Variants in RAP1GDS1 observed in about 807,000 individuals in gnomAD.
RAP1GDS1 encodes the protein RAP1, GTP-GDP dissociation stimulator 1.
A neutral mutation model predicts 71.1 loss-of-function variants in RAP1GDS1; 35 were observed. The observed-to-expected ratio is 0.49, with a 90% CI of 0.38 to 0.65. The LOEUF (loss-of-function observed/expected upper bound fraction) is 0.65. Ranked by LOEUF, RAP1GDS1 falls within the 30% of genes least tolerant of loss-of-function variation. RAP1GDS1 has a pLI of 0.00. For missense variants in RAP1GDS1, 663 were observed against 706.1 expected, an observed-to-expected ratio of 0.94 and a Z score of 0.69; for synonymous variants, 229 against 243.1, an observed-to-expected ratio of 0.94 and a Z score of 0.54.
chr4:98,431,516 A>G (rs1486711041), intron 12 of RAP1GDS1, among the ~76,000 whole-genome samples: 1 of 152,366 alleles, frequency 6.6e-6, no homozygotes, highest in African/African-American at 2.4e-5. Context: ...GAATAGAACT[A>G]TGAAATAAAA....
intron 2 of RAP1GDS1, among the ~76,000 whole-genome samples, chr4:98,341,795 G>C (rs1174939114): frequency 6.6e-6 from 1 of 152,050 alleles, no homozygotes; most frequent in African/African-American, 2.4e-5. Context: ...ATAAACTGGA[G>C]TGTTATCATT....
intron 2 of RAP1GDS1, among the ~76,000 whole-genome samples, chr4:98,308,665 A>G (rs1246565685): frequency 6.6e-6 from 1 of 152,090 alleles, no homozygotes; most frequent in African/African-American, 2.4e-5. Flanking sequence ...ACAAAGTTTT[A>G]TAATCTTTGA....
intron 1 of RAP1GDS1, among the ~76,000 whole-genome samples, chr4:98,262,863 T>C (rs1722227180): frequency 6.6e-6 from 1 of 152,206 alleles, no homozygotes; most frequent in South Asian, 2.1e-4. Flanking sequence ...CCTTTGGCCA[T>C]ATATCTGGAA....
chr4:98,440,921 G>A (rs1051808362), intron 14 of RAP1GDS1, among the ~76,000 whole-genome samples: 15 of 152,244 alleles, frequency 9.9e-5, no homozygotes, highest in South Asian at 2.1e-4. Context: ...TCAAACTCCC[G>A]ACCTCAGGTG....
intron 2 of RAP1GDS1, among the ~76,000 whole-genome samples, chr4:98,311,796 C>A (rs1256075117): frequency 6.6e-6 from 1 of 152,148 alleles, no homozygotes; most frequent in African/African-American, 2.4e-5. Context: ...TTCACCATGT[C>A]CAACTAATTT....
intron 14 of RAP1GDS1, among the ~76,000 whole-genome samples, chr4:98,437,507 T>C (rs1177919515): frequency 6.6e-6 from 1 of 152,110 alleles, no homozygotes; most frequent in Non-Finnish European, 1.5e-5. Context: ...GGAATTTGTT[T>C]AGGAGGCCAG....
intron 1 of RAP1GDS1, among the ~76,000 whole-genome samples, chr4:98,262,438 T>C (rs1386875262): frequency 6.6e-6 from 1 of 152,240 alleles, no homozygotes; most frequent in Non-Finnish European, 1.5e-5. Context: ...GCAAATATGT[T>C]TTATAAAACG....
intron 6 of RAP1GDS1, among the ~76,000 whole-genome samples, chr4:98,394,454 A>G (rs1363711351): frequency 1.3e-5 from 2 of 152,014 alleles, no homozygotes; most frequent in Non-Finnish European, 2.9e-5. Flanking sequence ...TTTAAACTTT[A>G]AGAAACTTAT....
At chr4:98,369,163 G>A (rs1206668204) in intron 4 of RAP1GDS1, among the ~76,000 whole-genome samples, 2 of 152,106 alleles carry the variant, frequency 1.3e-5, no homozygotes, top group Non-Finnish European at 2.9e-5. Flanking sequence ...AAAACAATCC[G>A]CCATGATTCA....
chr4:98,437,522 G>A (rs990735635), intron 14 of RAP1GDS1, among the ~76,000 whole-genome samples: 41 of 152,086 alleles, frequency 2.7e-4, no homozygotes, highest in African/African-American at 9.4e-4. Flanking sequence ...GGCCAGGCAC[G>A]GTGGCTCATG....
chr4:98,416,997 CCTG>C, intron 8 of RAP1GDS1, 109 bp downstream of exon 8: 1 of 1,240,786 alleles, frequency 8.1e-7, no homozygotes, highest in East Asian at 2.3e-5. Flanking sequence ...TCCTATCTCA[CCTG>C]CTATTGAGGT....
chr4:98,293,389 T>A lies in RAP1GDS1; in HGVS notation c.5-19T>A, dbSNP rs1278176388. The A allele has an allele frequency of 6.5e-7, 1 of 1,541,958 alleles. No individual in the cohort carries two copies. The highest frequency in any genetic ancestry group is 2.0e-5 in the Admixed American group (1 of 49,910). ...TGGTCATAAGGTTGAGTTTCTGATTTTTTTTTTTCTTTAAGCAGATAATCT... is the reference window on the plus strand; with the variant it reads ...TGGTCATAAGGTTGAGTTTCTGATTATTTTTTTTCTTTAAGCAGATAATCT... On this transcript the variant is annotated intron_variant, in intron 1 of 14. Transcript: ENST00000408927.
intron 6 of RAP1GDS1, among the ~76,000 whole-genome samples, chr4:98,397,849 C>A (rs1744780399): frequency 6.6e-6 from 1 of 152,070 alleles, no homozygotes; most frequent in African/African-American, 2.4e-5. Flanking sequence ...CAGTACCAAT[C>A]CATAAACAGA....
intron 4 of RAP1GDS1, among the ~76,000 whole-genome samples, chr4:98,373,858 A>G (rs72896365): frequency 0.012 from 1,903 of 152,258 alleles, 42 homozygotes; most frequent in African/African-American, 0.044. Flanking sequence ...CATTACTTGA[A>G]CACAAGCACT....
intron 1 of RAP1GDS1, among the ~76,000 whole-genome samples, chr4:98,265,872 G>A (rs1201398631): frequency 6.6e-6 from 1 of 152,024 alleles, no homozygotes; most frequent in East Asian, 1.9e-4. Context: ...CTTTGGTTAG[G>A]ATATTACCCA....
At chr4:98,331,730 G>C (rs1347073073) in intron 2 of RAP1GDS1, among the ~76,000 whole-genome samples, 1 of 152,098 alleles carries the variant, frequency 6.6e-6, no homozygotes, top group African/African-American at 2.4e-5. Flanking sequence ...ATTCTTTGAT[G>C]CTCTCTAGGA....
At position 98,296,500 on chromosome 4, in the gene RAP1GDS1, TTAAG is replaced by T. The variant is rs1727780891; in HGVS notation, c.112+2986_112+2989del. ...ACTAGATTTTATGAAAACATTTTGT[TTAAG>T]CAAGCATTTTGTGTAAATCTATGAT... On this transcript the variant is annotated intron_variant, in intron 2 of 14. Coordinates refer to ENST00000408927, the MANE Select transcript of RAP1GDS1 (RefSeq NM_001100427.2). Among the ~76,000 whole-genome samples the T allele has an allele frequency of 7.2e-5, 11 of 152,238 alleles. No homozygotes were observed. In the South Asian group the frequency reaches 2.3e-3, roughly 32 times the overall value.
intron 7 of RAP1GDS1, among the ~76,000 whole-genome samples, chr4:98,410,931 A>G (rs1451303226): frequency 1.3e-5 from 2 of 152,212 alleles, no homozygotes; most frequent in Non-Finnish European, 2.9e-5. Context: ...ATGCAGAGAT[A>G]GGCTTCCTGA....
chr4:98,303,317 G>C (rs1728839255), intron 2 of RAP1GDS1, among the ~76,000 whole-genome samples: 1 of 152,030 alleles, frequency 6.6e-6, no homozygotes, highest in Admixed American at 6.6e-5. Context: ...TGGCTGTTGA[G>C]CATTTGAAAT....
Sources: gnomAD v4.1 joint callset for allele counts (sites outside exome capture counted in the v4.1 genomes callset) on GRCh38, gnomAD v4.1.1 for gene constraint, MANE v1.5 for transcripts, NCBI Gene and HGNC (gene_info 2026-07-23, HGNC 2026-07-21) for gene names.